Variants in DTNB observed in about 807,000 individuals in gnomAD.
DTNB encodes the protein DTN-B.
Under a neutral mutation model 90.7 loss-of-function variants are expected in DTNB, and 63 were observed. That is an observed-to-expected ratio of 0.69 (90% CI 0.57 to 0.86). The LOEUF is 0.86. Among genes scored for constraint, DTNB ranks in the 40% least tolerant of loss-of-function variants. DTNB has a pLI of 0.00. For missense variants in DTNB, 744 were observed against 807.1 expected (o/e 0.92, Z 0.95); for synonymous variants, 277 against 286.7 (o/e 0.97, Z 0.34).
intron 14 of DTNB, among the ~76,000 whole-genome samples, chr2:25,431,075 T>G (rs2053704610): frequency 6.6e-6 from 1 of 152,200 alleles, no homozygotes; most frequent in South Asian, 2.1e-4. Flanking sequence ...CAGCCCTTTA[T>G]GTGTCTTTTG....
intron 8 of DTNB, among the ~76,000 whole-genome samples, chr2:25,561,749 C>A (rs578131069): frequency 7.5e-4 from 114 of 152,294 alleles, no homozygotes; most frequent in Middle Eastern, 3.4e-3. Context: ...ATGCCTTCCA[C>A]CATGATTGTA....
intron 9 of DTNB, among the ~76,000 whole-genome samples, chr2:25,527,557 G>A (rs774056477): frequency 2.6e-5 from 4 of 151,700 alleles, no homozygotes; most frequent in Non-Finnish European, 5.9e-5. Context: ...ATAAATACAC[G>A]AGAGTGGAAA....
At chr2:25,386,332 G>A (rs1174855169) in intron 18 of DTNB, among the ~76,000 whole-genome samples, 1 of 152,184 alleles carries the variant, frequency 6.6e-6, no homozygotes, top group Non-Finnish European at 1.5e-5. Context: ...TTCCCTAAGA[G>A]TGTTTGAATA....
chr2:25,672,203 C>CAAAAAAA (rs5829985), intron 1 of DTNB, among the ~76,000 whole-genome samples: 23 of 42,474 alleles, frequency 5.4e-4, no homozygotes, highest in African/African-American at 1.3e-3. Context: ...CCTCGCATAG[C>CAAAAAAA]AAAAAAAAAA....
chr2:25,451,120 T>A (rs539022696), intron 12 of DTNB, among the ~76,000 whole-genome samples: 1 of 152,342 alleles, frequency 6.6e-6, no homozygotes, highest in East Asian at 1.9e-4. Flanking sequence ...AATTTACTTA[T>A]CTGTTCTACT....
chr2:25,384,070 C>A (rs2038730585), intron 18 of DTNB, among the ~76,000 whole-genome samples, 181 bp from the exon 19 acceptor site: 1 of 152,254 alleles, frequency 6.6e-6, no homozygotes, highest in South Asian at 2.1e-4. Context: ...CCCAGCACTG[C>A]TGAATAGGAG....
intron 15 of DTNB, chr2:25,421,058 G>C (rs1006918094): frequency 1.3e-5 from 2 of 152,216 alleles, no homozygotes; most frequent in African/African-American, 4.8e-5. Flanking sequence ...CTGTGCAATG[G>C]TTCTATTTAA....
rs11400422 is a variant in DTNB, at chr2:25,543,313, G to GTT, written c.877-11718_877-11717dup. Among the ~76,000 whole-genome samples the GTT allele has an allele frequency of 5.0e-4, 73 of 146,930 alleles. 1 individual carries two copies. Among genetic ancestry groups the GTT allele is most frequent in the African/African-American group, 1.2e-3 (49 of 40,140 alleles). Reference sequence around the variant, plus strand: ...ACAGGTTTTTTTTGTTTTGTTTTTTGTTTTTTTTTTGAGACACAGTCTTGC... The same window carrying GTT: ...ACAGGTTTTTTTTGTTTTGTTTTTTGTTTTTTTTTTTTGAGACACAGTCTTGC... On this transcript the variant is annotated intron_variant, in intron 8 of 20. Coordinates refer to ENST00000406818, the MANE Select transcript of DTNB (RefSeq NM_021907.5).
At chr2:25,516,750 C>T (rs964687209) in intron 9 of DTNB, among the ~76,000 whole-genome samples, 1 of 151,762 alleles carries the variant, frequency 6.6e-6, no homozygotes, top group Admixed American at 6.6e-5. Context: ...ATTAGCTGGG[C>T]GTGGTGGTGG....
At chr2:25,406,088 AGCAGAAGCAGGAAATACGT>A (rs972276517) in intron 16 of DTNB, among the ~76,000 whole-genome samples, 40 of 151,672 alleles carry the variant, frequency 2.6e-4, no homozygotes, top group African/African-American at 9.4e-4. Context: ...TAACGGCATC[AGCAGAAGCAGGAAATACGT>A]GCAGAGGAGG....
chr2:25,439,909 A>G (rs1336290173), intron 12 of DTNB, among the ~76,000 whole-genome samples: 25 of 152,230 alleles, frequency 1.6e-4, no homozygotes, highest in Admixed American at 1.6e-3. Flanking sequence ...GCAAGTAGCA[A>G]AGGCAGAACT....
chr2:25,563,832 C>G (rs2058609235), intron 8 of DTNB, among the ~76,000 whole-genome samples: 1 of 152,210 alleles, frequency 6.6e-6, no homozygotes, highest in South Asian at 2.1e-4. Context: ...ATTACTATTG[C>G]TTTGAAGTAA....
At chr2:25,628,722 T>C (rs1431026402) in intron 3 of DTNB, among the ~76,000 whole-genome samples, 1 of 152,210 alleles carries the variant, frequency 6.6e-6, no homozygotes, top group Non-Finnish European at 1.5e-5. Context: ...TTTTGAAAAT[T>C]TGCTGTATTA....
chr2:25,503,653 G>A (rs546363621), intron 9 of DTNB, among the ~76,000 whole-genome samples: 177 of 152,244 alleles, frequency 1.2e-3, no homozygotes, highest in African/African-American at 4.0e-3. Flanking sequence ...AGTGGCTCAC[G>A]CCTGTAATCC....
At chr2:25,377,697 G>C (rs919646496) in intron 20 of DTNB, 144 bp from the exon 21 acceptor site, 1 of 152,404 alleles carries the variant, frequency 6.6e-6, no homozygotes, top group Non-Finnish European at 1.5e-5. Flanking sequence ...CTGAAGGGTG[G>C]TACCTAGGGT....
At chr2:25,432,840 TC>T (rs779987981) in intron 14 of DTNB, 45 bp downstream of exon 14, 24 of 1,540,080 alleles carry the variant, frequency 1.6e-5, no homozygotes, top group Non-Finnish European at 2.1e-5. Flanking sequence ...ATAAGTTCCA[TC>T]CATAGTAGAT....
chr2:25,592,497 G>T (rs887279257), intron 6 of DTNB, among the ~76,000 whole-genome samples: 1 of 151,398 alleles, frequency 6.6e-6, no homozygotes, highest in African/African-American at 2.4e-5. Context: ...ACTTATAAAC[G>T]CATCTAATTT....
chr2:25,598,446 T>C (rs2065107959), intron 5 of DTNB, among the ~76,000 whole-genome samples: 1 of 152,034 alleles, frequency 6.6e-6, no homozygotes, highest in Admixed American at 6.6e-5. Context: ...TTATTCCGGG[T>C]TTTTGCTCTC....
At chr2:25,649,168 C>A (rs1232908935) in intron 2 of DTNB, among the ~76,000 whole-genome samples, 3 of 151,976 alleles carry the variant, frequency 2.0e-5, no homozygotes, top group African/African-American at 7.3e-5. Context: ...GCACGCCCAG[C>A]TAATTTTTTT....
Sources: allele counts gnomAD v4.1 joint callset (sites outside exome capture counted in the v4.1 genomes callset), GRCh38; gene constraint gnomAD v4.1.1; transcripts MANE v1.5; gene names NCBI Gene and HGNC (gene_info 2026-07-23, HGNC 2026-07-21).